Variants in MCTP1 observed in about 807,000 individuals in gnomAD.
MCTP1 encodes multiple C2 and transmembrane domain containing 1.
A neutral mutation model predicts 120.6 loss-of-function variants in MCTP1; 69 were observed. That is an observed-to-expected ratio of 0.57 (90% confidence interval 0.47 to 0.70). The LOEUF is 0.70. Ranked by LOEUF, MCTP1 falls within the 30% of genes least tolerant of loss-of-function variation. The pLI, the probability that MCTP1 is intolerant of heterozygous loss-of-function variation, is 0.00. For synonymous variants in MCTP1, 529 were observed against 493.1 expected (o/e 1.07, Z -0.96); for missense variants, 1,203 against 1,248.8 (o/e 0.96, Z 0.55).
intron 2 of MCTP1, among the ~76,000 whole-genome samples, chr5:94,987,727 G>GA (rs1245736699): frequency 6.6e-6 from 1 of 152,174 alleles, no homozygotes; most frequent in Non-Finnish European, 1.5e-5. Context: ...TATGTACATA[G>GA]AAAATAATAT....
intron 12 of MCTP1, among the ~76,000 whole-genome samples, chr5:94,878,044 C>T (rs1316652687): frequency 6.6e-6 from 1 of 152,042 alleles, no homozygotes; most frequent in Non-Finnish European, 1.5e-5. Flanking sequence ...TTATTTTGGG[C>T]CTACCTTGTA....
At chr5:94,790,364 G>A (rs1778640004) in intron 18 of MCTP1, among the ~76,000 whole-genome samples, 2 of 152,346 alleles carry the variant, frequency 1.3e-5, no homozygotes, top group South Asian at 4.1e-4. Context: ...AGAAAAAGAG[G>A]ACCCACCAGA....
intron 7 of MCTP1, among the ~76,000 whole-genome samples, chr5:94,920,270 CTG>C (rs1811211307): frequency 9.0e-6 from 1 of 111,138 alleles, no homozygotes; most frequent in Non-Finnish European, 1.8e-5. Context: ...TTACAGAGAC[CTG>C]TTTTTTTTTT....
At chr5:94,822,384 T>A (rs898260995) in intron 17 of MCTP1, among the ~76,000 whole-genome samples, 2 of 152,358 alleles carry the variant, frequency 1.3e-5, no homozygotes, top group Admixed American at 1.3e-4. Context: ...GCAAAGGGCA[T>A]GAACTCATTA....
chr5:94,942,408 C>A lies in MCTP1; in HGVS notation c.1001G>T (p.Gly334Val). 1 of 1,610,490 alleles carries A rather than the reference C, an allele frequency of 6.2e-7. No individual in the cohort carries two copies. The highest frequency in any genetic ancestry group is 1.1e-5 in the South Asian group (1 of 90,944). ...LYIKVFDYDF[G>V]LQDDFMGSAF... ...TGAGCCCATAAAGTCATCCTGTAGT[C>A]CAAAATCATAGTCAAATACCTGAGA... The change falls in exon 4 of 23, where the codon GGA becomes GTA. Residue 334 changes from glycine to valine, a missense_variant. Physicochemically the swap from Gly to Val is moderately radical, Grantham distance 109. Around this residue, in one of 2 missense-constraint regions of MCTP1, gnomAD observed 740 missense variants for 871.1 expected, o/e 0.85. Coordinates refer to ENST00000515393, the MANE Select transcript of MCTP1 (RefSeq NM_024717.7).
chr5:95,283,244 C>T (rs1043404684), intron 1 of MCTP1, among the ~76,000 whole-genome samples: 2 of 152,218 alleles, frequency 1.3e-5, no homozygotes, highest in Admixed American at 6.5e-5. Context: ...ACTATTAAAA[C>T]TTCACAAGGC....
At chr5:94,795,138 C>G (rs531761850) in intron 18 of MCTP1, among the ~76,000 whole-genome samples, 2 of 151,988 alleles carry the variant, frequency 1.3e-5, no homozygotes, top group South Asian at 4.2e-4. Context: ...GCTTGGCTAA[C>G]CTATTTCCTT....
chr5:95,150,615 G>C (rs1471817577), intron 1 of MCTP1, among the ~76,000 whole-genome samples: 3 of 152,112 alleles, frequency 2.0e-5, no homozygotes, highest in Non-Finnish European at 4.4e-5. Context: ...TGGAAACGTG[G>C]TTATCATATC....
intron 17 of MCTP1, among the ~76,000 whole-genome samples, chr5:94,837,150 G>T (rs1789978774): frequency 6.6e-6 from 1 of 152,094 alleles, no homozygotes. Context: ...GGCCAAGGTG[G>T]GAGGATCACT....
intron 10 of MCTP1, among the ~76,000 whole-genome samples, chr5:94,901,675 T>C (rs902784772): frequency 3.9e-5 from 6 of 152,092 alleles, no homozygotes; most frequent in Non-Finnish European, 5.9e-5. Context: ...ATTCATCATC[T>C]TTATGGGGTG....
At chr5:94,781,178 T>C (rs1252126996) in intron 18 of MCTP1, among the ~76,000 whole-genome samples, 1 of 151,706 alleles carries the variant, frequency 6.6e-6, no homozygotes, top group Admixed American at 6.6e-5. Flanking sequence ...TCTTATCAAA[T>C]ACATCAAGGA....
At chr5:94,859,284 A>C (rs75052903) in intron 17 of MCTP1, among the ~76,000 whole-genome samples, 1 of 151,684 alleles carries the variant, frequency 6.6e-6, no homozygotes, top group African/African-American at 2.4e-5. Flanking sequence ...CTCTATTTAA[A>C]AAAATTTAGC....
chr5:94,805,821 G>C (rs956575228), intron 17 of MCTP1, among the ~76,000 whole-genome samples: 3 of 147,970 alleles, frequency 2.0e-5, no homozygotes, highest in Non-Finnish European at 4.5e-5. Flanking sequence ...GCAGAGCCAA[G>C]TCTTCTCCTT....
intron 1 of MCTP1, among the ~76,000 whole-genome samples, chr5:95,213,696 C>T (rs1326973602): frequency 4.0e-5 from 6 of 151,394 alleles, no homozygotes; most frequent in African/African-American, 1.5e-4. Context: ...ACAGAGCCCT[C>T]AGAAATAATG....
At chr5:94,867,232 CTT>C in intron 17 of MCTP1, 1 of 1,424,398 alleles carries the variant, frequency 7.0e-7, no homozygotes, top group Non-Finnish European at 9.2e-7. Flanking sequence ...TTTTCTAAAA[CTT>C]AACGATAATG....
At chr5:94,722,579 G>C (rs1307216884) in intron 19 of MCTP1, among the ~76,000 whole-genome samples, 2 of 152,108 alleles carry the variant, frequency 1.3e-5, no homozygotes, top group East Asian at 3.8e-4. Context: ...ACATAAAATG[G>C]AACTATATAT....
At chr5:95,067,434 A>G (rs1161957889) in intron 1 of MCTP1, among the ~76,000 whole-genome samples, 1 of 152,176 alleles carries the variant, frequency 6.6e-6, no homozygotes, top group African/African-American at 2.4e-5. Context: ...AAAATAAAAT[A>G]CAACATGAAA....
chr5:94,787,016 G>T (rs1438459477), intron 18 of MCTP1, among the ~76,000 whole-genome samples: 2 of 152,148 alleles, frequency 1.3e-5, no homozygotes, highest in African/African-American at 2.4e-5. Flanking sequence ...TCCAGGCCTG[G>T]TATGCTGGTG....
chr5:94,764,130 T>C lies in MCTP1; in HGVS notation c.2610+14980A>G, dbSNP rs184714469. Among the ~76,000 whole-genome samples the C allele has an allele frequency of 2.9e-3, 437 of 152,330 alleles. 2 individuals carry two copies. The highest frequency in any genetic ancestry group is 0.01 in the African/African-American group (419 of 41,582). On this transcript the variant is annotated intron_variant, in intron 19 of 22. Coordinates refer to ENST00000515393, the MANE Select transcript of MCTP1 (RefSeq NM_024717.7). ...CCTTGTTGCAGAAGGAAAAGAGATA[T>C]GGCAGAGCCAAGGATGACTCTTAAA...
Sources: allele counts gnomAD v4.1 joint callset (sites outside exome capture counted in the v4.1 genomes callset), GRCh38; gene constraint gnomAD v4.1.1; regional missense constraint gnomAD v4.1.1; transcripts MANE v1.5; gene names NCBI Gene and HGNC (gene_info 2026-07-23, HGNC 2026-07-21).